Variants in NFATC3 observed in about 807,000 individuals in gnomAD.
The protein encoded by NFATC3 is nuclear factor of activated T-cells, cytoplasmic 3.
NFATC3 carries 46 observed loss-of-function variants against 98.6 expected under a neutral mutation model. That is an observed-to-expected ratio of 0.47 (90% CI 0.37 to 0.60). The LOEUF (loss-of-function observed/expected upper bound fraction) is 0.60, where lower values mean the gene tolerates loss of function less well. NFATC3 is among the 20% of genes least tolerant of loss of function. The pLI, the probability that NFATC3 is intolerant of heterozygous loss-of-function variation, is 0.00. For missense variants in NFATC3, 1,256 were observed against 1,295.5 expected, an observed-to-expected ratio of 0.97 and a Z score of 0.47; for synonymous variants, 512 against 472.2, an observed-to-expected ratio of 1.08 and a Z score of -1.09.
At chr16:68,187,190 C>T (rs2040240415) in intron 8 of NFATC3, among the ~76,000 whole-genome samples, 1 of 152,168 alleles carries the variant, frequency 6.6e-6, no homozygotes, top group African/African-American at 2.4e-5. Context: ...GCAGCTGGAC[C>T]AGGGATACCG....
intron 9 of NFATC3, chr16:68,192,358 T>G: frequency 6.9e-6 from 1 of 144,104 alleles, no homozygotes; most frequent in African/African-American, 2.6e-5. Flanking sequence ...GAGAGAGAAC[T>G]TTGAGGGTAG....
chr16:68,158,192 C>CA, intron 4 of NFATC3, 124 bp downstream of exon 4: 1 of 621,838 alleles, frequency 1.6e-6, no homozygotes. Flanking sequence ...AAATAATGTA[C>CA]ATTTAGTACA....
At position 68,202,329 on chromosome 16, in the gene NFATC3, G is replaced by C. The variant is rs1298369942; in HGVS notation, c.3106+10554G>C. Reference sequence around the variant, plus strand: ...AGCTGCTTCAGTTCTGTATGTAAAAGACAAGCAGAAGAGCCTGCTTTCAAA... The same window carrying C: ...AGCTGCTTCAGTTCTGTATGTAAAACACAAGCAGAAGAGCCTGCTTTCAAA... On this transcript the variant is annotated intron_variant, in intron 9 of 9. Coordinates refer to ENST00000346183, the MANE Select transcript of NFATC3 (RefSeq NM_173165.3). Among the ~76,000 whole-genome samples, 5 of 152,160 alleles carry C rather than the reference G, an allele frequency of 3.3e-5. No homozygotes were observed. The South Asian group carries it at 6.2e-4, about 19-fold the overall frequency.
At chr16:68,130,884 T>G (rs1174517804) in intron 3 of NFATC3, among the ~76,000 whole-genome samples, 1 of 152,186 alleles carries the variant, frequency 6.6e-6, no homozygotes, top group Non-Finnish European at 1.5e-5. Flanking sequence ...GTTCCCAGCA[T>G]AGTTATTGAA....
chr16:68,218,348 A>G (rs1302308867), intron 9 of NFATC3, among the ~76,000 whole-genome samples: 2 of 151,374 alleles, frequency 1.3e-5, no homozygotes, highest in African/African-American at 2.4e-5. Flanking sequence ...GCCGAGGCAG[A>G]CAGATCACTT....
intron 5 of NFATC3, among the ~76,000 whole-genome samples, chr16:68,171,842 G>T (rs958528309): frequency 1.3e-5 from 2 of 151,658 alleles, no homozygotes; most frequent in East Asian, 3.9e-4. Flanking sequence ...GGGGTGGAGT[G>T]CAGTGGCGCG....
At chr16:68,146,911 T>C (rs1233567367) in intron 3 of NFATC3, among the ~76,000 whole-genome samples, 1 of 152,250 alleles carries the variant, frequency 6.6e-6, no homozygotes, top group East Asian at 1.9e-4. Context: ...AATTTATTTA[T>C]TGCCTACAAC....
At chr16:68,089,296 G>A (rs1231952422) in intron 1 of NFATC3, 1 of 984,618 alleles carries the variant, frequency 1.0e-6, no homozygotes, top group Non-Finnish European at 1.2e-6. Flanking sequence ...ATGTGAGATG[G>A]ACTTGATAAC....
intron 9 of NFATC3, among the ~76,000 whole-genome samples, chr16:68,193,892 GGATATGTCTGTGGT>G: frequency 6.6e-6 from 1 of 151,692 alleles, no homozygotes; most frequent in African/African-American, 2.4e-5. Context: ...TGTCAGGGAA[GGATATGTCTGTGGT>G]GGGGTGAGGT....
At chr16:68,164,384 AGAGAGGGAGAGGGAGACCGTGGG>A (rs1374748049) in intron 4 of NFATC3, among the ~76,000 whole-genome samples, 2 of 151,990 alleles carry the variant, frequency 1.3e-5, no homozygotes, top group East Asian at 3.9e-4. Context: ...GACCGTGGAA[AGAGAGGGAGAGGGAGACCGTGGG>A]GAGAGGGAGA....
chr16:68,164,962 A>G (rs1474592395), intron 4 of NFATC3, among the ~76,000 whole-genome samples: 1 of 152,176 alleles, frequency 6.6e-6, no homozygotes, highest in Admixed American at 6.5e-5. Context: ...GCTACATAAG[A>G]GTTTTTTTCT....
intron 8 of NFATC3, among the ~76,000 whole-genome samples, chr16:68,184,022 A>AG (rs1483232471): frequency 6.6e-6 from 1 of 151,822 alleles, no homozygotes; most frequent in African/African-American, 2.4e-5. Context: ...AAAAAAAAAA[A>AG]AAAGAAATGA....
intron 1 of NFATC3, among the ~76,000 whole-genome samples, chr16:68,118,639 T>A (rs905894860): frequency 2.0e-5 from 3 of 152,224 alleles, no homozygotes; most frequent in African/African-American, 7.2e-5. Context: ...TCTTTTGGTC[T>A]TATGGCTTTA....
chr16:68,100,905 G>GTGTGT lies in NFATC3; in HGVS notation c.103+15121_103+15122insTGTGT, dbSNP rs1555513122. Among the ~76,000 whole-genome samples, 4 of 142,286 alleles carry GTGTGT rather than the reference G, an allele frequency of 2.8e-5. No homozygotes were observed. The South Asian group carries it at 8.6e-4, about 30-fold the overall frequency. The allele number at this position is 142,286 out of a possible 152,430, so 93.3% of individuals were successfully genotyped here. ...GAGAGTTCTGTGTGTGTGTGTGTGT[G>GTGTGT]GGGTGTGTGTGTGTGTGTGTGTGTG... On this transcript the variant is annotated intron_variant, in intron 1 of 9. Transcript: ENST00000346183.
intron 1 of NFATC3, among the ~76,000 whole-genome samples, chr16:68,098,360 T>C (rs1240620682): frequency 6.7e-6 from 1 of 149,180 alleles, no homozygotes; most frequent in Non-Finnish European, 1.5e-5. Context: ...AGTGCTGTGA[T>C]GCATATCTCG....
intron 8 of NFATC3, among the ~76,000 whole-genome samples, chr16:68,190,046 CA>C (rs908172414): frequency 6.6e-6 from 1 of 151,448 alleles, no homozygotes; most frequent in Non-Finnish European, 1.5e-5. Flanking sequence ...TTCCCAAAAA[CA>C]AAAAAAAGAA....
chr16:68,174,083 G>A (rs1201081229), intron 5 of NFATC3, among the ~76,000 whole-genome samples: 7 of 152,210 alleles, frequency 4.6e-5, no homozygotes, highest in African/African-American at 7.2e-5. Flanking sequence ...GGAACTGGAG[G>A]CTGCAGGGAG....
At chr16:68,195,273 G>T (rs1307915402) in intron 9 of NFATC3, among the ~76,000 whole-genome samples, 1 of 152,048 alleles carries the variant, frequency 6.6e-6, no homozygotes, top group Non-Finnish European at 1.5e-5. Context: ...AAGCAAGAAA[G>T]AATGTTCCTA....
At chr16:68,215,282 A>G (rs1304883347) in intron 9 of NFATC3, among the ~76,000 whole-genome samples, 2 of 152,176 alleles carry the variant, frequency 1.3e-5, no homozygotes, top group Non-Finnish European at 2.9e-5. Flanking sequence ...TTCTTGTCCA[A>G]CCATGAGAGG....
Sources: gnomAD v4.1 joint callset for allele counts (sites outside exome capture counted in the v4.1 genomes callset) on GRCh38, gnomAD v4.1.1 for gene constraint, MANE v1.5 for transcripts, NCBI Gene and HGNC (gene_info 2026-07-23, HGNC 2026-07-21) for gene names.